PLA2G5: variants seen among roughly 807,000 people sequenced by gnomAD.
PLA2G5 encodes the protein Ca2+-dependent phospholipase A2.
PLA2G5 carries 12 observed loss-of-function variants against 15.9 expected under a neutral mutation model. The observed-to-expected ratio is 0.76, with a 90% CI of 0.48 to 1.23. The LOEUF (loss-of-function observed/expected upper bound fraction) is 1.23, where lower values mean the gene tolerates loss of function less well. Among genes scored for constraint, PLA2G5 ranks in the 50% most tolerant of loss-of-function variants. The pLI, the probability that PLA2G5 is intolerant of heterozygous loss-of-function variation, is 0.00. For missense variants in PLA2G5, 169 were observed against 177.1 expected (o/e 0.95, Z 0.26); for synonymous variants, 71 against 71.4 (o/e 0.99, Z 0.03).
chr1:20,085,435 G>A (rs1374188094), intron 2 of PLA2G5, among the ~76,000 whole-genome samples: 1 of 152,112 alleles, frequency 6.6e-6, no homozygotes, highest in African/African-American at 2.4e-5. Flanking sequence ...CTGGTGCAAG[G>A]AGAGAGCCTT....
chr1:20,029,359 G>C (rs374442286), intron 1 of PLA2G5, among the ~76,000 whole-genome samples: 1 of 147,858 alleles, frequency 6.8e-6, no homozygotes, highest in African/African-American at 2.6e-5. Context: ...ACGTTCCTCC[G>C]CTGACATGTT....
At chr1:20,065,192 C>T (rs1208995311) in intron 2 of PLA2G5, among the ~76,000 whole-genome samples, 2 of 152,144 alleles carry the variant, frequency 1.3e-5, no homozygotes, top group East Asian at 1.9e-4. Flanking sequence ...CCCCTTATCC[C>T]AACATATACA....
upstream of PLA2G5, among the ~76,000 whole-genome samples, chr1:20,068,131 T>C (rs2015149534): frequency 6.6e-6 from 1 of 151,412 alleles, no homozygotes; most frequent in Non-Finnish European, 1.5e-5. Flanking sequence ...AAAAAATAAA[T>C]AAAAAATAAA....
chr1:20,066,450 G>A (rs146516496), upstream of PLA2G5, among the ~76,000 whole-genome samples: 1 of 152,140 alleles, frequency 6.6e-6, no homozygotes, highest in African/African-American at 2.4e-5. Context: ...ACATTCAGTG[G>A]TATCATGTTG....
At chr1:20,033,004 G>C (rs1569613930) in intron 1 of PLA2G5, among the ~76,000 whole-genome samples, 1 of 152,200 alleles carries the variant, frequency 6.6e-6, no homozygotes, top group Non-Finnish European at 1.5e-5. Flanking sequence ...TTTGTAGTTA[G>C]AAAACCCCTT....
intron 1 of PLA2G5, among the ~76,000 whole-genome samples, chr1:20,056,765 T>A (rs1322970861): frequency 6.6e-6 from 1 of 152,216 alleles, no homozygotes; most frequent in Non-Finnish European, 1.5e-5. Flanking sequence ...TGCTTCTACC[T>A]TCTGGAAGAG....
At chr1:20,057,247 A>T (rs904492813) in intron 1 of PLA2G5, among the ~76,000 whole-genome samples, 2 of 150,030 alleles carry the variant, frequency 1.3e-5, no homozygotes, top group African/African-American at 2.4e-5. Context: ...CTTTTCTTCT[A>T]CTTACTTTGG....
chr1:20,081,594 G>A (rs1224334286), intron 1 of PLA2G5, among the ~76,000 whole-genome samples: 1 of 151,740 alleles, frequency 6.6e-6, no homozygotes, highest in Admixed American at 6.6e-5. Flanking sequence ...AATCATGTCA[G>A]TGGAACTCCA....
At chr1:20,069,049 T>C (rs538264119), upstream of PLA2G5, 45 of 646,722 alleles carry the variant, frequency 7.0e-5, no homozygotes, top group African/African-American at 7.0e-4. Context: ...GTAAAAATGC[T>C]CAGTTGCACC....
At chr1:20,058,150 G>A (rs1382074614) in intron 1 of PLA2G5, among the ~76,000 whole-genome samples, 1 of 152,194 alleles carries the variant, frequency 6.6e-6, no homozygotes, top group Admixed American at 6.5e-5. Context: ...CCAGCTGTTA[G>A]AAGTGCTGTT....
In PLA2G5 at chr1:20,040,577, TACACACACAC is replaced by T. The variant is rs60942082; in HGVS notation, n.276+11888_276+11897del. Among the ~76,000 whole-genome samples the T allele has an allele frequency of 3.3e-3, 500 of 150,752 alleles. 2 individuals are homozygous for T. Among genetic ancestry groups the T allele is most frequent in the South Asian group, 3.2e-3 (15 of 4,746 alleles). On this transcript the variant is annotated intron_variant and non_coding_transcript_variant, in intron 1 of 6. Transcript: ENST00000460175. ...ATGTCATTGCTTCAAAGCTGACAAA[TACACACACAC>T]ACACACACACACACACACAAACACT...
At chr1:20,057,286 A>G (rs896062214) in intron 1 of PLA2G5, among the ~76,000 whole-genome samples, 4 of 149,070 alleles carry the variant, frequency 2.7e-5, no homozygotes, top group African/African-American at 7.4e-5. Context: ...TTTTTATTTC[A>G]TAAAGTAGAA....
intron 2 of PLA2G5, among the ~76,000 whole-genome samples, 169 bp downstream of exon 2, chr1:20,085,039 C>T (rs1015124598): frequency 4.6e-5 from 7 of 152,182 alleles, no homozygotes; most frequent in African/African-American, 1.4e-4. Context: ...GCCTCTGCTT[C>T]CTCATCTGGC....
intron 1 of PLA2G5, among the ~76,000 whole-genome samples, chr1:20,052,893 C>A (rs2014245847): frequency 6.6e-6 from 1 of 152,272 alleles, no homozygotes; most frequent in East Asian, 1.9e-4. Context: ...ATGCGAAACT[C>A]AAAAGAATGC....
exon 1 of PLA2G5, chr1:20,028,453 G>A (rs949871278): frequency 6.6e-6 from 1 of 152,212 alleles, no homozygotes; most frequent in Non-Finnish European, 1.5e-5. Flanking sequence ...ACAAAATGGT[G>A]CAGATTGGAC....
intron 1 of PLA2G5, among the ~76,000 whole-genome samples, chr1:20,059,014 A>G (rs1308828811): frequency 6.6e-6 from 1 of 151,818 alleles, no homozygotes; most frequent in African/African-American, 2.4e-5. Flanking sequence ...TCTCTGCCAG[A>G]AAGACAAAAA....
intron 1 of PLA2G5, among the ~76,000 whole-genome samples, chr1:20,076,259 C>G (rs2015671507): frequency 6.7e-6 from 1 of 148,160 alleles, no homozygotes; most frequent in East Asian, 2.0e-4. Context: ...CCGTGTAGAT[C>G]AAGCAAAGCA....
chr1:20,071,551 G>A (rs1462361962), intron 1 of PLA2G5, among the ~76,000 whole-genome samples: 1 of 152,174 alleles, frequency 6.6e-6, no homozygotes, highest in African/African-American at 2.4e-5. Flanking sequence ...TGAAGAGAGA[G>A]AGCACACGGT....
At position 20,062,242 on chromosome 1, in the gene PLA2G5, T is replaced by C. The variant is rs576822858; in HGVS notation, n.337+2550T>C. On this transcript the variant is annotated intron_variant and non_coding_transcript_variant, in intron 2 of 6. Transcript: ENST00000460175. ...TTATAGCAGTGCAAGAATGGCCTAA[T>C]ACAGAGGCTGTCTCTTCCTTCAGAC... Among the ~76,000 whole-genome samples the C allele has an allele frequency of 3.9e-5, 6 of 152,338 alleles. No individual in the cohort carries two copies. In the South Asian group the frequency reaches 1.2e-3, roughly 32 times the overall value.
Sources: allele counts gnomAD v4.1 joint callset (sites outside exome capture counted in the v4.1 genomes callset), GRCh38; gene constraint gnomAD v4.1.1; transcripts MANE v1.5; gene names NCBI Gene and HGNC (gene_info 2026-07-23, HGNC 2026-07-21).